The following SPHKAP variants were observed in gnomAD, a reference collection of about 807,000 sequenced individuals.
The protein encoded by SPHKAP is A-kinase anchor protein SPHKAP.
In SPHKAP, 67 loss-of-function variants were observed where a neutral mutation model predicts 137.5. The ratio of observed to expected loss-of-function variants is 0.49; its 90% CI spans 0.40 to 0.60. The LOEUF is 0.60. Ranked by LOEUF, SPHKAP falls within the 20% of genes least tolerant of loss-of-function variation. The pLI, the probability that SPHKAP is intolerant of heterozygous loss-of-function variation, is 0.00. For missense variants in SPHKAP, 2,097 were observed against 2,069.3 expected (o/e 1.01, Z -0.26); for synonymous variants, 813 against 785.3 (o/e 1.04, Z -0.59).
rs61755300 is a variant in SPHKAP, at chr2:227,981,848, C to T, written c.4972G>A (p.Val1658Met). ...CAGGACTTCCGATGAACCAGCTGCACGACATCTAGAAACTAAAATAAAACG... is the reference window on the plus strand; with the variant it reads ...CAGGACTTCCGATGAACCAGCTGCATGACATCTAGAAACTAAAATAAAACG... ...ENRIEKFLDV[V>M]QLVHRKSWKV... The change falls in exon 12 of 12, where the codon GTG becomes ATG. Residue 1658 changes from valine to methionine, a missense_variant. Transcript: ENST00000392056. 39 of 1,612,858 alleles carry T rather than the reference C, an allele frequency of 2.4e-5. No individual in the cohort carries two copies. The highest frequency in any genetic ancestry group is 5.5e-5 in the South Asian group (5 of 90,934).
At chr2:228,011,055 T>C (rs1455061184) in intron 7 of SPHKAP, among the ~76,000 whole-genome samples, 3 of 152,202 alleles carry the variant, frequency 2.0e-5, no homozygotes, top group African/African-American at 7.2e-5. Context: ...TGCCAAGCTC[T>C]CACAGGGTTG....
intron 3 of SPHKAP, among the ~76,000 whole-genome samples, chr2:228,079,393 C>T (rs1697286347): frequency 6.6e-6 from 1 of 152,188 alleles, no homozygotes; most frequent in South Asian, 2.1e-4. Context: ...GATCCCTGGC[C>T]CACAGCACTA....
At chr2:228,171,336 G>A (rs1700579973) in intron 1 of SPHKAP, among the ~76,000 whole-genome samples, 1 of 152,040 alleles carries the variant, frequency 6.6e-6, no homozygotes, top group African/African-American at 2.4e-5. Flanking sequence ...GTAAAGGAAG[G>A]GGACTGGGCA....
At chr2:228,043,853 A>T (rs1365617929) in intron 3 of SPHKAP, among the ~76,000 whole-genome samples, 1 of 152,188 alleles carries the variant, frequency 6.6e-6, no homozygotes, top group East Asian at 1.9e-4. Flanking sequence ...GTAATAAAAC[A>T]TAATAACATC....
chr2:228,026,697 T>C (rs1278503619), intron 4 of SPHKAP, among the ~76,000 whole-genome samples: 1 of 152,206 alleles, frequency 6.6e-6, no homozygotes, highest in African/African-American at 2.4e-5. Context: ...AATCCCATAG[T>C]ACTACACATA....
chr2:228,008,988 T>C (rs764578119), intron 7 of SPHKAP, among the ~76,000 whole-genome samples: 1 of 152,218 alleles, frequency 6.6e-6, no homozygotes, highest in Non-Finnish European at 1.5e-5. Context: ...ACTTTGGAAT[T>C]AGTTTGTTGA....
At chr2:228,025,902 C>G (rs1695017122) in intron 4 of SPHKAP, 1 of 983,768 alleles carries the variant, frequency 1.0e-6, no homozygotes. Flanking sequence ...TCCGATATGG[C>G]TTGGCTCTGT....
chr2:228,068,424 G>A (rs543497468), intron 3 of SPHKAP, among the ~76,000 whole-genome samples: 1 of 150,756 alleles, frequency 6.6e-6, no homozygotes, highest in African/African-American at 2.4e-5. Context: ...AAGAACAAAA[G>A]CCATCCTGAA....
Position 228,016,537 on chromosome 2 carries a change from A to G in SPHKAP, c.4317T>C (p.Cys1439=). The G allele has an allele frequency of 1.2e-6, 2 of 1,614,108 alleles. No homozygotes were observed. Among genetic ancestry groups the G allele is most frequent in the Admixed American group, 3.3e-5 (2 of 60,018 alleles). The change falls in exon 7 of 12, where the codon TGT becomes TGC. Residue 1439 remains cysteine, a synonymous_variant. Transcript: ENST00000392056. ...AAAGGAAGGGTTCAGGTTCCCCAGC[A>G]CAGGCTTCTCTCTGATCTGTTTCAA... ...IQIETDQREA[C]AGEPEPFLSK... is the part of the protein sequence containing the mutation.
chr2:228,167,572 T>C (rs935712226), intron 1 of SPHKAP, among the ~76,000 whole-genome samples: 1 of 152,238 alleles, frequency 6.6e-6, no homozygotes, highest in Non-Finnish European at 1.5e-5. Context: ...TATTTTTATC[T>C]GAGTTTTATT....
At position 228,022,729 on chromosome 2, in the gene SPHKAP, C is replaced by A. The variant is rs185979681; in HGVS notation, c.442-763G>T. Among the ~76,000 whole-genome samples the A allele has an allele frequency of 3.4e-4, 52 of 152,130 alleles. No homozygotes were observed. In the East Asian group the frequency reaches 5.8e-3, roughly 17 times the overall value. On this transcript the variant is annotated intron_variant, in intron 5 of 11. Coordinates refer to ENST00000392056, the MANE Select transcript of SPHKAP (RefSeq NM_001142644.2). ...GTCAGGGTCTAGAGTCAGGAAGGAG[C>A]CTGTCTAAATTTTGGTCAAGCTGAA... is the stretch of plus-strand genomic sequence containing the variant.
chr2:228,109,886 A>T (rs892946385), intron 2 of SPHKAP, among the ~76,000 whole-genome samples: 1 of 139,034 alleles, frequency 7.2e-6, no homozygotes, highest in African/African-American at 2.6e-5. Context: ...TGAACCCGGG[A>T]AGTGGAGGTT....
intron 7 of SPHKAP, among the ~76,000 whole-genome samples, chr2:228,003,174 C>T (rs1396844609): frequency 1.6e-4 from 25 of 152,280 alleles, no homozygotes; most frequent in Admixed American, 1.2e-3. Context: ...GCTATTTTCA[C>T]GACATTGATT....
intron 9 of SPHKAP, chr2:227,991,672 C>G: frequency 1.0e-6 from 1 of 985,352 alleles, no homozygotes; most frequent in Non-Finnish European, 1.2e-6. Context: ...TTGTGGGTAA[C>G]TAGTTCTGAT....
chr2:228,171,866 T>C (rs1248237554), intron 1 of SPHKAP, among the ~76,000 whole-genome samples: 1 of 152,156 alleles, frequency 6.6e-6, no homozygotes, highest in Non-Finnish European at 1.5e-5. Context: ...CTTACTCCTA[T>C]TGACATGCTA....
intron 2 of SPHKAP, among the ~76,000 whole-genome samples, chr2:228,122,739 A>G (rs1698952471): frequency 6.6e-6 from 1 of 152,192 alleles, no homozygotes; most frequent in Admixed American, 6.5e-5. Context: ...AGGTTTTATT[A>G]CTTGCATTCT....
intron 11 of SPHKAP, among the ~76,000 whole-genome samples, chr2:227,987,107 T>A (rs1022954226): frequency 1.3e-5 from 2 of 152,216 alleles, no homozygotes; most frequent in Admixed American, 6.5e-5. Context: ...GGTCTCAAAC[T>A]TCAGTGTTTA....
intron 3 of SPHKAP, among the ~76,000 whole-genome samples, chr2:228,100,971 T>G (rs1396660096): frequency 1.3e-5 from 2 of 152,154 alleles, no homozygotes; most frequent in African/African-American, 4.8e-5. Flanking sequence ...GCACTTTTTA[T>G]AAGAGTGGCC....
intron 3 of SPHKAP, among the ~76,000 whole-genome samples, chr2:228,084,697 C>T (rs1430709631): frequency 6.6e-6 from 1 of 152,166 alleles, no homozygotes; most frequent in African/African-American, 2.4e-5. Flanking sequence ...ATTAATTTCC[C>T]CTTTTGTTTC....
Sources: gnomAD v4.1 joint callset for allele counts (sites outside exome capture counted in the v4.1 genomes callset) on GRCh38, gnomAD v4.1.1 for gene constraint, MANE v1.5 for transcripts, NCBI Gene and HGNC (gene_info 2026-07-23, HGNC 2026-07-21) for gene names.